MCCC2: variants seen among roughly 807,000 people sequenced by gnomAD.
The protein encoded by MCCC2 is methylcrotonoyl-CoA carboxylase beta chain, mitochondrial.
In MCCC2, 52 loss-of-function variants were observed where a neutral mutation model predicts 77.2. The ratio of observed to expected loss-of-function variants is 0.67; its 90% CI spans 0.54 to 0.85. The LOEUF is 0.85. MCCC2 is among the 40% of genes least tolerant of loss of function. The pLI is 0.00. For synonymous variants in MCCC2, 253 were observed against 248.4 expected (o/e 1.02, Z -0.18); for missense variants, 682 against 703.2 (o/e 0.97, Z 0.34).
chr5:71,641,309 C>T (rs1747116190), intron 11 of MCCC2: 3 of 519,316 alleles, frequency 5.8e-6, no homozygotes, highest in South Asian at 4.5e-5. Flanking sequence ...GGGTCCCTAT[C>T]TGTGACTTTG....
intron 16 of MCCC2, among the ~76,000 whole-genome samples, chr5:71,656,457 G>A (rs991377868): frequency 1.3e-5 from 2 of 152,132 alleles, no homozygotes; most frequent in Non-Finnish European, 2.9e-5. Context: ...TAAACGTATT[G>A]TCAAATTAGG....
rs755049738 is a variant in MCCC2 at position 71,604,341 on chromosome 5, A to C, written c.512-15A>C. ...GTTCATAGAGATGCTTATGTTTCTC[A>C]TTTCTTGTCTTCAGTTGATTCGGGA... On this transcript the variant is annotated splice_polypyrimidine_tract_variant and intron_variant, in intron 5 of 16. Coordinates refer to ENST00000340941, the MANE Select transcript of MCCC2 (RefSeq NM_022132.5). 7.5e-6 allele frequency: 12 copies of C among 1,607,468 alleles called. No homozygotes were observed. The highest frequency in any genetic ancestry group is 1.0e-5 in the Non-Finnish European group (12 of 1,173,940).
At chr5:71,590,141 C>G (rs1247720993) in intron 1 of MCCC2, among the ~76,000 whole-genome samples, 1 of 152,062 alleles carries the variant, frequency 6.6e-6, no homozygotes, top group Non-Finnish European at 1.5e-5. Context: ...AACACAAACA[C>G]CTGGCGTCCT....
intron 16 of MCCC2, among the ~76,000 whole-genome samples, chr5:71,653,046 C>T (rs569980132): frequency 6.6e-6 from 1 of 152,308 alleles, no homozygotes; most frequent in South Asian, 2.1e-4. Context: ...GGTCCTGCAG[C>T]CCAAGGTGGG....
At position 71,602,613 on chromosome 5, in the gene MCCC2, G is replaced by A. The variant is rs1253354987; in HGVS notation, c.491G>A (p.Arg164Lys). Residue 164 changes from arginine to lysine, a missense_variant, in exon 5 of 17, where the codon AGG becomes AAG. Transcript: ENST00000340941. ...LRAQEIAMQN[R>K]LPCIYLVDSG... The stretch of plus-strand genomic sequence containing the variant: ...GCCCAAGAAATTGCCATGCAAAACA[G>A]GCTCCCCTGCATCTACTTAGGCAAG... 2 of 1,614,122 alleles carry A rather than the reference G, an allele frequency of 1.2e-6. No individual in the cohort carries two copies. The highest frequency in any genetic ancestry group is 2.2e-5 in the East Asian group (1 of 44,872).
intron 6 of MCCC2, among the ~76,000 whole-genome samples, chr5:71,606,627 T>C (rs1192022146): frequency 2.7e-4 from 27 of 100,860 alleles, no homozygotes; most frequent in African/African-American, 9.5e-4. Flanking sequence ...ATAGGAGTGG[T>C]GAGAGAGGGC....
chr5:71,629,199 A>G (rs1746631121), intron 7 of MCCC2, among the ~76,000 whole-genome samples: 1 of 126,482 alleles, frequency 7.9e-6, no homozygotes, highest in Non-Finnish European at 1.8e-5. Context: ...GCGAGACTCC[A>G]TCTCAAAAAA....
chr5:71,591,699 A>G (rs1744990834), intron 1 of MCCC2, among the ~76,000 whole-genome samples: 2 of 151,746 alleles, frequency 1.3e-5, no homozygotes, highest in Non-Finnish European at 2.9e-5. Flanking sequence ...GGCCTCCCAA[A>G]GTGCTGAGAT....
Position 71,592,882 on chromosome 5 carries a change from C to T in MCCC2, c.130-44C>T, listed in dbSNP as rs182176197. 2.2e-4 allele frequency: 248 copies of T among 1,152,458 alleles called. No homozygotes were observed. The African/African-American group carries it at 3.3e-3, about 15-fold the overall frequency. The allele number at this position is 1,152,458 out of a possible 1,614,324, so 71.4% of individuals were successfully genotyped here. ...CCTTTATTTTGGTAAAAAGGAATTG[C>T]TTTCTAATATTTCTCTCCCCTGTCT... On this transcript the variant is annotated intron_variant, in intron 1 of 16. Transcript: ENST00000340941.
intron 3 of MCCC2, among the ~76,000 whole-genome samples, chr5:71,599,427 C>T (rs1285615704): frequency 6.6e-6 from 1 of 152,084 alleles, no homozygotes; most frequent in South Asian, 2.1e-4. Flanking sequence ...TCCTGGCTGG[C>T]CTCCAACTCT....
rs16868960 is a variant in MCCC2, at chr5:71,640,704, G to A, written c.1000-299G>A. ...CTCATTGCATCCCTGAACCTCTGCC[G>A]GTACATTCGAACAGTCCTTGAAGCT... On this transcript the variant is annotated intron_variant, in intron 10 of 16. Transcript: ENST00000340941. Among the ~76,000 whole-genome samples the A allele has an allele frequency of 8.9e-3, 1,362 of 152,182 alleles. 24 individuals carry two copies. Among genetic ancestry groups the A allele is most frequent in the African/African-American group, 0.03 (1,245 of 41,510 alleles).
At chr5:71,593,501 A>G (rs1325209548) in intron 2 of MCCC2, among the ~76,000 whole-genome samples, 1 of 150,748 alleles carries the variant, frequency 6.6e-6, no homozygotes, top group Non-Finnish European at 1.5e-5. Context: ...TTTTGGGGGG[A>G]AAAGTAAAGA....
chr5:71,607,305 G>A lies in MCCC2; in HGVS notation c.624+2837G>A, dbSNP rs961913287. On this transcript the variant is annotated intron_variant, in intron 6 of 16. Coordinates refer to ENST00000340941, the MANE Select transcript of MCCC2 (RefSeq NM_022132.5). ...CAACTTCTTCCTGGTTTAGTCTTGG[G>A]AGAGTTTGTGTGTCGAGGAATTTAT... Among the ~76,000 whole-genome samples the A allele has an allele frequency of 2.2e-4, 34 of 152,308 alleles. 1 individual carries two copies. Among genetic ancestry groups the A allele is most frequent in the Non-Finnish European group, 4.7e-4 (32 of 68,036 alleles).
At chr5:71,593,088 TA>T (rs1346006636) in intron 2 of MCCC2, 96 bp downstream of exon 2, 131 of 1,064,680 alleles carry the variant, frequency 1.2e-4, no homozygotes, top group East Asian at 5.9e-4. Flanking sequence ...AAGCTTTTGA[TA>T]TTTTTTTTTT....
intron 15 of MCCC2, 79 bp from the exon 16 acceptor site, chr5:71,652,590 G>T: frequency 9.3e-7 from 1 of 1,070,450 alleles, no homozygotes; most frequent in Non-Finnish European, 1.4e-6. Context: ...GACATCTGTT[G>T]TTTCTTTTGA....
chr5:71,600,155 C>T (rs1648807036), intron 4 of MCCC2, among the ~76,000 whole-genome samples: 1 of 151,724 alleles, frequency 6.6e-6, no homozygotes, highest in South Asian at 2.1e-4. Context: ...CAGAGCAAGA[C>T]TCCGTCTCAA....
At chr5:71,641,140 T>TATCAAAGTC in intron 11 of MCCC2, 65 bp downstream of exon 11, 5 of 1,431,118 alleles carry the variant, frequency 3.5e-6, no homozygotes, top group Non-Finnish European at 4.9e-6. Context: ...GAATCTCTTG[T>TATCAAAGTC]TTCAAGACTT....
At chr5:71,588,268 CAAAAAAAA>C (rs11309257) in intron 1 of MCCC2, among the ~76,000 whole-genome samples, 5 of 100,680 alleles carry the variant, frequency 5.0e-5, no homozygotes, top group African/African-American at 1.9e-4. Context: ...AACTCTGTCT[CAAAAAAAA>C]AAAAAAAAAA....
Position 71,632,012 on chromosome 5 carries a change from A to G in MCCC2, c.739-109A>G, listed in dbSNP as rs1387208367. ...AGAAAGCACAGTGTTCTTTAGTTCTATGGAAGAAAAAGTACAGGTATAGTC... is the reference window on the plus strand; with the variant it reads ...AGAAAGCACAGTGTTCTTTAGTTCTGTGGAAGAAAAAGTACAGGTATAGTC... On this transcript the variant is annotated intron_variant, in intron 7 of 16. Coordinates refer to ENST00000340941, the MANE Select transcript of MCCC2 (RefSeq NM_022132.5). 7 of 951,190 alleles carry G rather than the reference A, an allele frequency of 7.4e-6. No homozygotes were observed. The South Asian group carries it at 7.8e-5, about 11-fold the overall frequency. 58.9% of individuals were successfully genotyped at this position (951,190 alleles called of 1,614,324 possible).
Sources: gnomAD v4.1 joint callset for allele counts (sites outside exome capture counted in the v4.1 genomes callset) on GRCh38, gnomAD v4.1.1 for gene constraint, MANE v1.5 for transcripts, NCBI Gene and HGNC (gene_info 2026-07-23, HGNC 2026-07-21) for gene names.